Variants in EYA2 observed in about 807,000 individuals in gnomAD.
EYA2 encodes EYA transcriptional coactivator and phosphatase 2.
Under a neutral mutation model 69.2 loss-of-function variants are expected in EYA2, and 31 were observed. The ratio of observed to expected loss-of-function variants is 0.45; its 90% confidence interval spans 0.34 to 0.60. The LOEUF (loss-of-function observed/expected upper bound fraction) is 0.60, where lower values mean the gene tolerates loss of function less well. Among genes scored for constraint, EYA2 ranks in the 20% least tolerant of loss-of-function variants. The probability of loss-of-function intolerance (pLI) is 0.02; values close to 1 mark genes in which losing one functional copy is unlikely to be tolerated. For synonymous variants in EYA2, 257 were observed against 279.4 expected (o/e 0.92, Z 0.80); for missense variants, 622 against 701.2 (o/e 0.89, Z 1.28).
intron 1 of EYA2, among the ~76,000 whole-genome samples, chr20:46,980,680 C>T (rs573732278): frequency 2.0e-5 from 3 of 152,246 alleles, no homozygotes; most frequent in African/African-American, 7.2e-5. Context: ...TTATAGTCAC[C>T]GTACTGTTCT....
At chr20:46,904,995 G>A (rs191970883) in intron 1 of EYA2, among the ~76,000 whole-genome samples, 2 of 152,220 alleles carry the variant, frequency 1.3e-5, no homozygotes, top group Admixed American at 1.3e-4. Context: ...TTAATCTTCT[G>A]CTGTTACCTA....
chr20:46,987,019 A>T (rs1054168372), intron 1 of EYA2, among the ~76,000 whole-genome samples: 7 of 152,214 alleles, frequency 4.6e-5, no homozygotes, highest in African/African-American at 1.7e-4. Context: ...TTTCTTATTT[A>T]AAAATTATTA....
In EYA2 at chr20:47,001,401, C is replaced by A. The variant is rs192144730; in HGVS notation, c.110-27C>A. On this transcript the variant is annotated intron_variant, in intron 2 of 15. Transcript: ENST00000327619. The stretch of plus-strand genomic sequence containing the variant: ...GAACATCACCCTAATCGCTAAAACT[C>A]TTCCAATTTTTCTTTTTCTCCTGCA... 1.4e-5 allele frequency: 23 copies of A among 1,612,340 alleles called. No individual in the cohort carries two copies. In the East Asian group the frequency reaches 4.9e-4, roughly 34 times the overall value.
At chr20:46,955,700 G>C (rs964089446) in intron 1 of EYA2, among the ~76,000 whole-genome samples, 1 of 152,140 alleles carries the variant, frequency 6.6e-6, no homozygotes, top group African/African-American at 2.4e-5. Flanking sequence ...ACCACAATTT[G>C]CTAGTCTCCA....
At position 47,089,239 on chromosome 20, in the gene EYA2, G is replaced by T. The variant is rs754833263; in HGVS notation, c.662G>T (p.Gly221Val). ...TCCACCATTCCCTTTCTTACGCCAG[G>T]TGAATACAACACACACAATGGACCT... Reference protein sequence around the residue: ...VPNQSSESLAGEYNTHNGPST... With the variant: ...VPNQSSESLAVEYNTHNGPST... Residue 221 changes from glycine (G) to valine (V), a missense_variant and splice_region_variant, in exon 8 of 16, where the codon GGT (glycine) becomes GTT (valine). Gly to Val is a moderately radical substitution (Grantham distance 109, BLOSUM62 -3). Around this residue, in one of 2 missense-constraint regions of EYA2, gnomAD observed 365 missense variants for 349.7 expected, o/e 1.04. Coordinates refer to ENST00000327619, the MANE Select transcript of EYA2 (RefSeq NM_005244.5). 73 of 1,613,554 alleles carry T rather than the reference G, an allele frequency of 4.5e-5. No individual in the cohort carries two copies. The Admixed American group carries it at 1.2e-3, about 27-fold the overall frequency.
At chr20:46,966,613 C>G (rs1428452322) in intron 1 of EYA2, among the ~76,000 whole-genome samples, 1 of 152,146 alleles carries the variant, frequency 6.6e-6, no homozygotes, top group East Asian at 1.9e-4. Flanking sequence ...TCGAGACCGT[C>G]CTGGCTAACA....
chr20:46,972,425 C>A (rs1158915365), intron 1 of EYA2, among the ~76,000 whole-genome samples: 1 of 152,154 alleles, frequency 6.6e-6, no homozygotes, highest in African/African-American at 2.4e-5. Flanking sequence ...AAAAACACTC[C>A]ATTGGCACAG....
chr20:47,040,326 A>G (rs544797939), intron 5 of EYA2, among the ~76,000 whole-genome samples: 2 of 152,324 alleles, frequency 1.3e-5, no homozygotes, highest in Admixed American at 1.3e-4. Context: ...AGAAGTGGGA[A>G]CGGTCTTGGC....
At chr20:46,902,186 G>A (rs1984147508) in intron 1 of EYA2, among the ~76,000 whole-genome samples, 1 of 152,156 alleles carries the variant, frequency 6.6e-6, no homozygotes, top group Non-Finnish European at 1.5e-5. Flanking sequence ...AACACCTTGG[G>A]ACCCGATTTT....
At chr20:47,103,844 C>G (rs2032500160) in intron 9 of EYA2, among the ~76,000 whole-genome samples, 1 of 152,194 alleles carries the variant, frequency 6.6e-6, no homozygotes, top group Non-Finnish European at 1.5e-5. Context: ...TTTGTCTATC[C>G]ATTTATCAGT....
rs138372175 is a variant in EYA2 at position 46,982,574 on chromosome 20, T to C, written c.-10-7427T>C. Among the ~76,000 whole-genome samples the C allele has an allele frequency of 1.6e-3, 247 of 152,300 alleles. 1 individual carries two copies. Among genetic ancestry groups the C allele is most frequent in the African/African-American group, 5.8e-3 (240 of 41,558 alleles). On this transcript the variant is annotated intron_variant, in intron 1 of 15. Transcript: ENST00000327619. ...TCTCCTCTCCTTCTGTGGCTCCTATTACATGTGTGCTAGATCTTTTACCAT... is the reference window on the plus strand; with the variant it reads ...TCTCCTCTCCTTCTGTGGCTCCTATCACATGTGTGCTAGATCTTTTACCAT...
chr20:47,152,136 A>G (rs2033834920), intron 10 of EYA2, among the ~76,000 whole-genome samples: 1 of 151,890 alleles, frequency 6.6e-6, no homozygotes, highest in African/African-American at 2.4e-5. Flanking sequence ...CTCACCTCCT[A>G]TTTTACAGAC....
chr20:47,065,093 C>T (rs562527411), intron 5 of EYA2, among the ~76,000 whole-genome samples: 2 of 152,318 alleles, frequency 1.3e-5, no homozygotes, highest in East Asian at 1.9e-4. Context: ...TCTCATGAGA[C>T]TTATTCACTA....
chr20:47,133,360 G>A (rs544904952), intron 9 of EYA2, among the ~76,000 whole-genome samples: 1 of 152,110 alleles, frequency 6.6e-6, no homozygotes, highest in Non-Finnish European at 1.5e-5. Flanking sequence ...AGCCAGGGAT[G>A]GGTTATGAGA....
chr20:47,096,806 G>C (rs1217742171), intron 8 of EYA2, among the ~76,000 whole-genome samples: 3 of 152,148 alleles, frequency 2.0e-5, no homozygotes, highest in African/African-American at 7.2e-5. Context: ...ATTTTGGCCT[G>C]AATCCTCCTT....
intron 5 of EYA2, among the ~76,000 whole-genome samples, chr20:47,046,444 C>T (rs374702621): frequency 3.3e-5 from 5 of 152,140 alleles, no homozygotes; most frequent in Non-Finnish European, 4.4e-5. Flanking sequence ...GTAGATACAC[C>T]GAAGGATGAA....
chr20:47,085,121 G>A (rs1361063425), intron 7 of EYA2, among the ~76,000 whole-genome samples: 1 of 151,852 alleles, frequency 6.6e-6, no homozygotes, highest in Non-Finnish European at 1.5e-5. Flanking sequence ...ACAGGCATGA[G>A]CCACCATGCC....
chr20:47,149,612 G>A (rs1031386435), intron 10 of EYA2, among the ~76,000 whole-genome samples: 2 of 149,296 alleles, frequency 1.3e-5, no homozygotes, highest in Non-Finnish European at 3.0e-5. Flanking sequence ...GGGAGGCTGA[G>A]ACAGTGGATC....
At chr20:46,936,871 A>G (rs1020346208) in intron 1 of EYA2, among the ~76,000 whole-genome samples, 5 of 152,070 alleles carry the variant, frequency 3.3e-5, no homozygotes, top group South Asian at 4.1e-4. Flanking sequence ...TGCCTGGAAT[A>G]ATTTGTGGCT....
Sources: gnomAD v4.1 joint callset for allele counts (sites outside exome capture counted in the v4.1 genomes callset) on GRCh38, gnomAD v4.1.1 for gene constraint, gnomAD v4.1.1 regional missense constraint, MANE v1.5 for transcripts, NCBI Gene and HGNC (gene_info 2026-07-23, HGNC 2026-07-21) for gene names.